Variants in DISC1 observed in about 807,000 individuals in gnomAD.
DISC1 encodes the protein disrupted in schizophrenia 1 protein.
Under a neutral mutation model 84.5 loss-of-function variants are expected in DISC1, and 57 were observed. The observed-to-expected ratio is 0.67, with a 90% CI of 0.55 to 0.84. DISC1 has a LOEUF of 0.84. DISC1 is among the 40% of genes least tolerant of loss of function. The probability of loss-of-function intolerance (pLI) is 0.00; values close to 1 mark genes in which losing one functional copy is unlikely to be tolerated. For synonymous variants in DISC1, 411 were observed against 415.2 expected (o/e 0.99, Z 0.12); for missense variants, 1,000 against 1,057.8 (o/e 0.95, Z 0.76).
chr1:231,736,395 T>C (rs1015338133), intron 3 of DISC1, among the ~76,000 whole-genome samples: 9 of 152,252 alleles, frequency 5.9e-5, no homozygotes, highest in Admixed American at 4.6e-4. Context: ...ATTTTCTTGC[T>C]GTGAGGCCTT....
chr1:231,777,447 C>T (rs1329731991), intron 6 of DISC1, among the ~76,000 whole-genome samples: 1 of 152,162 alleles, frequency 6.6e-6, no homozygotes, highest in African/African-American at 2.4e-5. Flanking sequence ...ACTTGAACTC[C>T]TGTCCTCAAG....
At chr1:231,959,950 GC>G (rs1660150854) in intron 10 of DISC1, among the ~76,000 whole-genome samples, 1 of 152,084 alleles carries the variant, frequency 6.6e-6, no homozygotes, top group South Asian at 2.1e-4. Flanking sequence ...CATTGTTTTA[GC>G]CATCAGCACA....
chr1:231,960,547 C>T (rs552583569), intron 10 of DISC1, among the ~76,000 whole-genome samples: 45 of 152,266 alleles, frequency 3.0e-4, no homozygotes, highest in Non-Finnish European at 4.4e-4. Context: ...CCATCGTGCC[C>T]GGCCACCTCC....
chr1:231,781,597 C>G (rs76875882), intron 6 of DISC1, among the ~76,000 whole-genome samples: 3 of 152,314 alleles, frequency 2.0e-5, no homozygotes, highest in Non-Finnish European at 4.4e-5. Context: ...TTCTCCTAGT[C>G]GATTTCAACT....
chr1:231,971,716 AT>A (rs965976039), intron 10 of DISC1, among the ~76,000 whole-genome samples: 22 of 151,068 alleles, frequency 1.5e-4, no homozygotes, highest in African/African-American at 3.9e-4. Flanking sequence ...GGCGGAAAAC[AT>A]TTTTTTTTCC....
chr1:231,834,724 A>T (rs929102178), intron 9 of DISC1, among the ~76,000 whole-genome samples: 1 of 152,068 alleles, frequency 6.6e-6, no homozygotes, highest in African/African-American at 2.4e-5. Context: ...GCAAGCCCAG[A>T]GAAAAGAGAG....
chr1:231,752,014 AG>A (rs1288526641), intron 4 of DISC1, among the ~76,000 whole-genome samples: 1 of 152,242 alleles, frequency 6.6e-6, no homozygotes, highest in Non-Finnish European at 1.5e-5. Flanking sequence ...TAAGAAACTT[AG>A]GCAGATCCAC....
At chr1:231,676,898 G>C (rs1296351427) in intron 1 of DISC1, among the ~76,000 whole-genome samples, 1 of 152,210 alleles carries the variant, frequency 6.6e-6, no homozygotes, top group African/African-American at 2.4e-5. Flanking sequence ...GTTGCCAGGG[G>C]TTAGAAAGCT....
chr1:231,893,732 C>T (rs563624783), intron 9 of DISC1, among the ~76,000 whole-genome samples: 85 of 152,196 alleles, frequency 5.6e-4, no homozygotes, highest in Non-Finnish European at 6.6e-4. Context: ...GCGTGGCATA[C>T]GTTAGGACCA....
intron 3 of DISC1, among the ~76,000 whole-genome samples, chr1:231,740,149 A>G (rs1429315442): frequency 6.6e-6 from 1 of 152,180 alleles, no homozygotes; most frequent in East Asian, 1.9e-4. Flanking sequence ...CAGCCTCCAG[A>G]ACTCTGGGCA....
chr1:231,717,997 A>G (rs2069003914), intron 3 of DISC1, among the ~76,000 whole-genome samples: 1 of 152,032 alleles, frequency 6.6e-6, no homozygotes, highest in Non-Finnish European at 1.5e-5. Context: ...CATATCCCCT[A>G]TTACAATGAA....
intron 3 of DISC1, among the ~76,000 whole-genome samples, chr1:231,725,076 G>A (rs2070430051): frequency 1.3e-5 from 2 of 152,138 alleles, no homozygotes; most frequent in South Asian, 2.1e-4. Flanking sequence ...TGACCACAGA[G>A]AGGGTCACGG....
chr1:231,960,689 C>T (rs1660270602), intron 10 of DISC1, among the ~76,000 whole-genome samples: 1 of 152,222 alleles, frequency 6.6e-6, no homozygotes, highest in Non-Finnish European at 1.5e-5. Flanking sequence ...TTTCTCCCCA[C>T]CAAAAAGTAA....
At chr1:232,026,620 GT>G in intron 12 of DISC1, 68 bp downstream of exon 12, 2 of 1,179,190 alleles carry the variant, frequency 1.7e-6, no homozygotes, top group Non-Finnish European at 2.5e-6. Context: ...TTAAAGGGTA[GT>G]TTTTCATGCC....
At chr1:231,932,704 C>T (rs1172327603) in intron 9 of DISC1, among the ~76,000 whole-genome samples, 1 of 152,172 alleles carries the variant, frequency 6.6e-6, no homozygotes, top group East Asian at 1.9e-4. Flanking sequence ...CCATCATTCC[C>T]ACTGCCTCTC....
chr1:231,795,224 T>C lies in DISC1; in HGVS notation c.1635-18T>C, dbSNP rs1218505593. ...GTGGTTACCAAGAAGACCAATCTCC[T>C]CTTTTTAATTCTTCCAGCCTCCAGG... On this transcript the variant is annotated intron_variant, in intron 6 of 12. Coordinates refer to ENST00000439617, the MANE Select transcript of DISC1 (RefSeq NM_018662.3). The C allele has an allele frequency of 6.2e-7, 1 of 1,612,884 alleles. No individual in the cohort carries two copies.
At chr1:231,832,744 T>C (rs901819355) in intron 9 of DISC1, among the ~76,000 whole-genome samples, 5 of 145,110 alleles carry the variant, frequency 3.4e-5, no homozygotes, top group Non-Finnish European at 7.5e-5. Flanking sequence ...GATAGGAGAG[T>C]ATATGGGTTT....
chr1:232,001,056 A>C (rs779045391), intron 10 of DISC1, among the ~76,000 whole-genome samples: 1 of 152,128 alleles, frequency 6.6e-6, no homozygotes, highest in Non-Finnish European at 1.5e-5. Context: ...TTTTAATGTC[A>C]TCTGATACTT....
intron 10 of DISC1, among the ~76,000 whole-genome samples, chr1:231,979,612 TA>T (rs1451820407): frequency 1.3e-5 from 2 of 151,128 alleles, no homozygotes; most frequent in Admixed American, 6.6e-5. Context: ...TATATATATA[TA>T]AAAGCATATG....
Sources: allele counts gnomAD v4.1 joint callset (sites outside exome capture counted in the v4.1 genomes callset), GRCh38; gene constraint gnomAD v4.1.1; transcripts MANE v1.5; gene names NCBI Gene and HGNC (gene_info 2026-07-23, HGNC 2026-07-21).